WWOX: variants seen among roughly 807,000 people sequenced by gnomAD.
The protein encoded by WWOX is WW domain containing oxidoreductase, also known as WW domain-containing oxidoreductase.
In WWOX, 69 loss-of-function variants were observed where a neutral mutation model predicts 46.2. The observed-to-expected ratio is 1.49, with a 90% CI of 1.23 to 1.82. WWOX has a LOEUF of 1.82. WWOX is among the 40% of genes most tolerant of loss of function. WWOX has a pLI of 0.00. For synonymous variants in WWOX, 359 were observed against 202.6 expected (o/e 1.77, Z -6.56); for missense variants, 919 against 542.6 (o/e 1.69, Z -6.89).
At chr16:79,021,319 C>A (rs945626069) in intron 8 of WWOX, among the ~76,000 whole-genome samples, 1 of 152,146 alleles carries the variant, frequency 6.6e-6, no homozygotes, top group East Asian at 1.9e-4. Context: ...GAGATATTGT[C>A]TCTACTCTCA....
intron 8 of WWOX, among the ~76,000 whole-genome samples, chr16:78,872,559 G>C (rs2044150722): frequency 6.6e-6 from 1 of 152,096 alleles, no homozygotes; most frequent in African/African-American, 2.4e-5. Flanking sequence ...CAATTTCTTT[G>C]TTTTAAAAAT....
intron 8 of WWOX, among the ~76,000 whole-genome samples, chr16:78,512,142 G>C (rs1271045638): frequency 1.3e-5 from 2 of 152,158 alleles, no homozygotes; most frequent in Non-Finnish European, 2.9e-5. Context: ...TAAAGATTGT[G>C]TGATCAAGTA....
At chr16:78,949,335 C>T (rs1454245571) in intron 8 of WWOX, among the ~76,000 whole-genome samples, 1 of 152,128 alleles carries the variant, frequency 6.6e-6, no homozygotes, top group East Asian at 1.9e-4. Flanking sequence ...TGATAATTTG[C>T]TGTGGCAGCA....
intron 6 of WWOX, among the ~76,000 whole-genome samples, chr16:78,396,533 G>A (rs75315209): frequency 6.6e-6 from 1 of 152,100 alleles, no homozygotes; most frequent in Non-Finnish European, 1.5e-5. Flanking sequence ...ACGCTTTGGA[G>A]GGTAGATACA....
chr16:78,514,830 TTATC>T (rs1162316979), intron 8 of WWOX, among the ~76,000 whole-genome samples: 1 of 152,172 alleles, frequency 6.6e-6, no homozygotes, highest in African/African-American at 2.4e-5. Context: ...GACCAATGAA[TTATC>T]TATTATGTGC....
chr16:79,159,023 C>G (rs2050435148), intron 8 of WWOX, among the ~76,000 whole-genome samples: 1 of 152,210 alleles, frequency 6.6e-6, no homozygotes, highest in Non-Finnish European at 1.5e-5. Flanking sequence ...GAACAATTTC[C>G]TAAAGCAGCT....
At chr16:78,849,303 G>C (rs969476537) in intron 8 of WWOX, among the ~76,000 whole-genome samples, 5 of 152,142 alleles carry the variant, frequency 3.3e-5, no homozygotes, top group East Asian at 1.9e-4. Context: ...GGGCGCGGTG[G>C]CTCATGCCTG....
intron 8 of WWOX, among the ~76,000 whole-genome samples, chr16:78,981,479 C>T (rs1398458730): frequency 6.6e-6 from 1 of 151,494 alleles, no homozygotes; most frequent in African/African-American, 2.4e-5. Context: ...GCTCTGTCAT[C>T]CAGGCTGGCA....
intron 5 of WWOX, among the ~76,000 whole-genome samples, chr16:78,204,229 G>C (rs1456607999): frequency 6.6e-6 from 1 of 151,928 alleles, no homozygotes; most frequent in Non-Finnish European, 1.5e-5. Flanking sequence ...GCCTTTTTTT[G>C]TTCTTTTAAA....
chr16:78,154,651 G>T (rs761691117), intron 4 of WWOX, among the ~76,000 whole-genome samples: 2 of 152,042 alleles, frequency 1.3e-5, no homozygotes, highest in African/African-American at 4.8e-5. Flanking sequence ...AGCTCCTGCA[G>T]ATCCCTGAGC....
At chr16:78,934,089 A>G (rs1477198951) in intron 8 of WWOX, among the ~76,000 whole-genome samples, 1 of 151,904 alleles carries the variant, frequency 6.6e-6, no homozygotes, top group Non-Finnish European at 1.5e-5. Flanking sequence ...TAATCCCAGC[A>G]CTTTCGGAGG....
chr16:78,646,091 T>C (rs1347144754), intron 8 of WWOX, among the ~76,000 whole-genome samples: 1 of 152,182 alleles, frequency 6.6e-6, no homozygotes, highest in African/African-American at 2.4e-5. Context: ...ACTCTCCTCA[T>C]GTCAAGAACT....
rs79138716 is a variant in WWOX at position 79,060,278 on chromosome 16, A to G, written c.1057-151330A>G. Among the ~76,000 whole-genome samples, 1,304 of 152,320 alleles carry G rather than the reference A, an allele frequency of 8.6e-3. 14 individuals carry two copies. Among genetic ancestry groups the G allele is most frequent in the African/African-American group, 0.03 (1,227 of 41,562 alleles). ...TAGTTTTGGAAATTGCAAAAATACT[A>G]CAATGCTGTTGTGCCGGCCACACTG... On this transcript the variant is annotated intron_variant, in intron 8 of 8. Coordinates refer to ENST00000566780, the MANE Select transcript of WWOX (RefSeq NM_016373.4).
At chr16:78,148,284 A>G (rs1345277903) in intron 4 of WWOX, among the ~76,000 whole-genome samples, 2 of 152,182 alleles carry the variant, frequency 1.3e-5, no homozygotes, top group Admixed American at 1.3e-4. Flanking sequence ...AAGTGAGACC[A>G]TGGGTGTGTG....
chr16:78,350,616 G>A lies in WWOX; in HGVS notation c.517-36244G>A, dbSNP rs540777325. Among the ~76,000 whole-genome samples, 27 of 121,228 alleles carry A rather than the reference G, an allele frequency of 2.2e-4. 10 individuals are homozygous for A. Among genetic ancestry groups the A allele is most frequent in the Non-Finnish European group, 4.3e-4 (22 of 50,658 alleles). 79.5% of individuals were successfully genotyped at this position (121,228 alleles called of 152,430 possible). On this transcript the variant is annotated intron_variant, in intron 5 of 8. Coordinates refer to ENST00000566780, the MANE Select transcript of WWOX (RefSeq NM_016373.4). ...CATCATGTTTTCAAGGGTCATTCATGTTGTAGCATGTATCAGTACTTCTTT... is the reference window on the plus strand; with the variant it reads ...CATCATGTTTTCAAGGGTCATTCATATTGTAGCATGTATCAGTACTTCTTT...
At chr16:78,866,784 T>A (rs2044013642) in intron 8 of WWOX, among the ~76,000 whole-genome samples, 1 of 152,228 alleles carries the variant, frequency 6.6e-6, no homozygotes, top group South Asian at 2.1e-4. Context: ...GGACAGTCTG[T>A]AATGTATCTT....
intron 8 of WWOX, among the ~76,000 whole-genome samples, chr16:79,114,572 T>C (rs2049476795): frequency 6.6e-6 from 1 of 151,982 alleles, no homozygotes; most frequent in South Asian, 2.1e-4. Context: ...GGATATGTTC[T>C]GCCCTAGAGC....
At chr16:79,166,706 C>G (rs1224333011) in intron 8 of WWOX, among the ~76,000 whole-genome samples, 1 of 152,196 alleles carries the variant, frequency 6.6e-6, no homozygotes, top group East Asian at 1.9e-4. Context: ...TCCCTCAAGA[C>G]CGCTGAACTA....
rs1484084641 is a variant in WWOX at position 78,152,155 on chromosome 16, A to C, written c.410-12028A>C. 2.6e-5 allele frequency among the ~76,000 whole-genome samples: 4 copies of C among 150,960 alleles called. No individual in the cohort carries two copies. The East Asian group carries it at 5.9e-4, about 22-fold the overall frequency. On this transcript the variant is annotated intron_variant, in intron 4 of 8. Coordinates refer to ENST00000566780, the MANE Select transcript of WWOX (RefSeq NM_016373.4). ...AAGTGAGCCGAGATCGCGCCACTGC[A>C]CTCCAGCCTGGGCGACAGAGCGAGA...
Sources: gnomAD v4.1 joint callset for allele counts (sites outside exome capture counted in the v4.1 genomes callset) on GRCh38, gnomAD v4.1.1 for gene constraint, MANE v1.5 for transcripts, NCBI Gene and HGNC (gene_info 2026-07-23, HGNC 2026-07-21) for gene names.